The following MAML2 variants were observed in gnomAD, a reference collection of about 807,000 sequenced individuals.
The protein encoded by MAML2 is mastermind like transcriptional coactivator 2, also known as mastermind-like protein 2.
Under a neutral mutation model 96.1 loss-of-function variants are expected in MAML2, and 22 were observed. The observed-to-expected ratio is 0.23, with a 90% CI of 0.16 to 0.33. MAML2 has a LOEUF of 0.33. MAML2 is among the 10% of genes least tolerant of loss of function. The pLI is 1.00. For synonymous variants in MAML2, 561 were observed against 521.3 expected, an observed-to-expected ratio of 1.08 and a Z score of -1.04; for missense variants, 1,367 against 1,392.4, an observed-to-expected ratio of 0.98 and a Z score of 0.29.
At chr11:96,315,460 G>A (rs1186517128) in intron 1 of MAML2, among the ~76,000 whole-genome samples, 1 of 152,154 alleles carries the variant, frequency 6.6e-6, no homozygotes, top group East Asian at 1.9e-4. Context: ...ACCGTATAAA[G>A]TAGAAGTACA....
intron 1 of MAML2, among the ~76,000 whole-genome samples, chr11:96,234,169 A>T (rs535190854): frequency 2.0e-5 from 3 of 152,192 alleles, no homozygotes; most frequent in Non-Finnish European, 4.4e-5. Context: ...TGAGACATTG[A>T]ACACACCAAG....
At chr11:96,063,797 A>T (rs1335357365) in intron 2 of MAML2, among the ~76,000 whole-genome samples, 1 of 152,226 alleles carries the variant, frequency 6.6e-6, no homozygotes, top group African/African-American at 2.4e-5. Flanking sequence ...ACTTGTGACT[A>T]TATCAGCTTC....
chr11:96,116,438 T>G (rs570712920), intron 1 of MAML2, among the ~76,000 whole-genome samples: 1 of 152,302 alleles, frequency 6.6e-6, no homozygotes, highest in Admixed American at 6.5e-5. Flanking sequence ...CTCCCTGTAT[T>G]GCAGTGGGAC....
At chr11:95,997,920 C>T (rs2135715008) in intron 2 of MAML2, among the ~76,000 whole-genome samples, 1 of 152,136 alleles carries the variant, frequency 6.6e-6, no homozygotes, top group South Asian at 2.1e-4. Context: ...GTGAAGATCT[C>T]ATAATACAGT....
chr11:96,278,542 A>G (rs1021542524), intron 1 of MAML2, among the ~76,000 whole-genome samples: 17 of 152,200 alleles, frequency 1.1e-4, no homozygotes, highest in African/African-American at 4.1e-4. Flanking sequence ...AGTATTATGA[A>G]GGGGTGAAGC....
chr11:96,075,925 C>T (rs1397770072), intron 2 of MAML2, among the ~76,000 whole-genome samples: 2 of 152,226 alleles, frequency 1.3e-5, no homozygotes, highest in Non-Finnish European at 2.9e-5. Flanking sequence ...GTTGGCCTTG[C>T]TATGTGACAT....
At chr11:96,329,687 C>T (rs141315758) in intron 1 of MAML2, among the ~76,000 whole-genome samples, 24 of 152,312 alleles carry the variant, frequency 1.6e-4, no homozygotes, top group East Asian at 5.8e-4. Context: ...AATACCCAAT[C>T]CCCTGACCAG....
chr11:96,167,941 A>G (rs1053245108), intron 1 of MAML2, among the ~76,000 whole-genome samples: 5 of 152,188 alleles, frequency 3.3e-5, no homozygotes, highest in African/African-American at 1.2e-4. Flanking sequence ...GTAATGACCT[A>G]TGTATATGTC....
intron 1 of MAML2, among the ~76,000 whole-genome samples, chr11:96,270,930 G>T (rs1277454052): frequency 6.6e-6 from 1 of 152,180 alleles, no homozygotes. Flanking sequence ...TGCCAGTGTG[G>T]CTAGAGTAAA....
chr11:96,162,760 T>C (rs1000072801), intron 1 of MAML2, among the ~76,000 whole-genome samples: 5 of 151,408 alleles, frequency 3.3e-5, no homozygotes, highest in Non-Finnish European at 5.9e-5. Flanking sequence ...AAAGTCCCTG[T>C]CCTCATGGAA....
chr11:96,286,174 G>A (rs977989471), intron 1 of MAML2, among the ~76,000 whole-genome samples: 4 of 152,130 alleles, frequency 2.6e-5, no homozygotes, highest in South Asian at 2.1e-4. Context: ...TTCCTTTGCC[G>A]GGACATGGAT....
chr11:96,236,155 T>C (rs1862364289), intron 1 of MAML2, among the ~76,000 whole-genome samples: 1 of 152,246 alleles, frequency 6.6e-6, no homozygotes, highest in African/African-American at 2.4e-5. Flanking sequence ...GTCAAAAACT[T>C]CTGTGCCACT....
At chr11:96,071,648 G>C (rs943833206) in intron 2 of MAML2, among the ~76,000 whole-genome samples, 3 of 152,234 alleles carry the variant, frequency 2.0e-5, no homozygotes, top group Non-Finnish European at 4.4e-5. Context: ...TGAGAATCTG[G>C]TCTTGATGTT....
At chr11:96,077,592 C>T (rs943692238) in intron 2 of MAML2, among the ~76,000 whole-genome samples, 4 of 152,122 alleles carry the variant, frequency 2.6e-5, no homozygotes, top group African/African-American at 4.8e-5. Context: ...ATATGTGGGT[C>T]GAAACTTTAT....
chr11:96,243,725 C>G (rs1471475462), intron 1 of MAML2, among the ~76,000 whole-genome samples: 1 of 145,472 alleles, frequency 6.9e-6, no homozygotes, highest in Non-Finnish European at 1.5e-5. Context: ...GCGATGTTGT[C>G]TCACTGCAAG....
chr11:96,209,944 G>C (rs956960094), intron 1 of MAML2, among the ~76,000 whole-genome samples: 2 of 152,144 alleles, frequency 1.3e-5, no homozygotes, highest in Admixed American at 6.6e-5. Context: ...TACGGTGAAT[G>C]TTCAAAATTT....
At chr11:96,008,500 A>C (rs990143419) in intron 2 of MAML2, among the ~76,000 whole-genome samples, 5 of 152,258 alleles carry the variant, frequency 3.3e-5, no homozygotes, top group African/African-American at 1.2e-4. Context: ...TCCAAATAAC[A>C]GTTCACTGAG....
intron 1 of MAML2, among the ~76,000 whole-genome samples, chr11:96,229,012 T>C (rs1306255584): frequency 6.6e-6 from 1 of 151,566 alleles, no homozygotes. Context: ...TCCTGAGGCA[T>C]AGCTTTGTAG....
At chr11:96,154,478 T>C (rs914419374) in intron 1 of MAML2, among the ~76,000 whole-genome samples, 1 of 152,254 alleles carries the variant, frequency 6.6e-6, no homozygotes, top group Non-Finnish European at 1.5e-5. Flanking sequence ...TTTATCTGCA[T>C]ATCATAGTCT....
Sources: allele counts gnomAD v4.1 joint callset (sites outside exome capture counted in the v4.1 genomes callset), GRCh38; gene constraint gnomAD v4.1.1; transcripts MANE v1.5; gene names NCBI Gene and HGNC (gene_info 2026-07-23, HGNC 2026-07-21).